The following VRK1 variants were observed in gnomAD, a reference collection of about 807,000 sequenced individuals.
VRK1 encodes the protein serine/threonine-protein kinase VRK1.
A neutral mutation model predicts 57.1 loss-of-function variants in VRK1; 33 were observed. The ratio of observed to expected loss-of-function variants is 0.58; its 90% CI spans 0.44 to 0.77. The LOEUF is 0.77. VRK1 is among the 30% of genes least tolerant of loss of function. VRK1 has a pLI of 0.00. For synonymous variants in VRK1, 137 were observed against 147.8 expected (o/e 0.93, Z 0.53); for missense variants, 413 against 477.3 (o/e 0.87, Z 1.25).
chr14:96,869,684 C>T (rs911752145), intron 11 of VRK1, among the ~76,000 whole-genome samples: 2 of 152,108 alleles, frequency 1.3e-5, no homozygotes, highest in East Asian at 1.9e-4. Flanking sequence ...GTAGTTATCC[C>T]TTTTTTCTCT....
chr14:96,838,185 G>A (rs552878505), intron 3 of VRK1, among the ~76,000 whole-genome samples: 28 of 151,592 alleles, frequency 1.8e-4, no homozygotes, highest in African/African-American at 6.3e-4. Flanking sequence ...ATTTTATTTT[G>A]CATTTGCTTC....
chr14:96,838,085 C>T (rs1468731169), intron 3 of VRK1, among the ~76,000 whole-genome samples: 1 of 152,010 alleles, frequency 6.6e-6, no homozygotes, highest in Non-Finnish European at 1.5e-5. Context: ...TAAAAATATT[C>T]AGCTCATTTA....
In VRK1 at chr14:96,811,348, G is replaced by A. The variant is rs141550601; in HGVS notation, c.-6+13901G>A. On this transcript the variant is annotated intron_variant, in intron 1 of 12. Coordinates refer to ENST00000216639, the MANE Select transcript of VRK1 (RefSeq NM_003384.3). ...AAAATTAGCTATCTCCTGCAGAAGG[G>A]AGCAAATTCCATTTTTGAAAGTCAT... Among the ~76,000 whole-genome samples the A allele has an allele frequency of 9.2e-4, 140 of 152,246 alleles. 1 individual carries two copies. Among genetic ancestry groups the A allele is most frequent in the African/African-American group, 3.2e-3 (133 of 41,520 alleles).
chr14:96,881,234 T>G lies in VRK1; in HGVS notation c.*26T>G. 1 of 1,578,050 alleles carries G rather than the reference T, an allele frequency of 6.3e-7. No homozygotes were observed. Among genetic ancestry groups the G allele is most frequent in the Non-Finnish European group, 8.6e-7 (1 of 1,158,404 alleles). Reference sequence around the variant, plus strand: ...TTCAGATGCTGTGAACCAGATTTCCTTTTCTTTGTTTTCTTTTGACTTTTT... The same window carrying G: ...TTCAGATGCTGTGAACCAGATTTCCGTTTCTTTGTTTTCTTTTGACTTTTT... On this transcript the variant is annotated 3_prime_UTR_variant, in exon 13 of 13. Transcript: ENST00000216639.
intron 1 of VRK1, among the ~76,000 whole-genome samples, chr14:96,810,013 T>TAATC (rs1416126054): frequency 1.3e-5 from 2 of 152,230 alleles, no homozygotes; most frequent in African/African-American, 4.8e-5. Context: ...TACAAAAAAT[T>TAATC]AATCACTAGT....
intron 1 of VRK1, among the ~76,000 whole-genome samples, chr14:96,819,100 G>C (rs1423452626): frequency 6.6e-6 from 1 of 152,164 alleles, no homozygotes; most frequent in Non-Finnish European, 1.5e-5. Context: ...TCTTTCGTTT[G>C]ATTTTATTCT....
At chr14:96,841,498 T>C (rs1887459068) in intron 3 of VRK1, among the ~76,000 whole-genome samples, 1 of 152,230 alleles carries the variant, frequency 6.6e-6, no homozygotes, top group Non-Finnish European at 1.5e-5. Context: ...TTGATTTCTC[T>C]TTTGCATTTA....
intron 1 of VRK1, among the ~76,000 whole-genome samples, chr14:96,810,965 T>C (rs1406755109): frequency 1.3e-5 from 2 of 151,570 alleles, no homozygotes; most frequent in East Asian, 3.9e-4. Flanking sequence ...TGAGATGGAG[T>C]GTCACTCTGT....
chr14:96,869,741 C>T (rs1201820678), intron 11 of VRK1, among the ~76,000 whole-genome samples: 5 of 151,976 alleles, frequency 3.3e-5, no homozygotes, highest in Non-Finnish European at 7.4e-5. Flanking sequence ...TGACATAAAG[C>T]AGAGGAGTCC....
In VRK1 at chr14:96,854,999, C is replaced by T. The variant is rs1475602384; in HGVS notation, c.577-225C>T. 2.6e-5 allele frequency among the ~76,000 whole-genome samples: 4 copies of T among 152,174 alleles called. No individual in the cohort carries two copies. In the East Asian group the frequency reaches 5.8e-4, roughly 22 times the overall value. ...AAAAGTATATAAAGTCAAGTGATTA[C>T]ACTGTAGCTATGTGGTCATTTAACA... On this transcript the variant is annotated intron_variant, in intron 7 of 12. Coordinates refer to ENST00000216639, the MANE Select transcript of VRK1 (RefSeq NM_003384.3).
intron 11 of VRK1, among the ~76,000 whole-genome samples, chr14:96,873,527 G>A (rs1248769535): frequency 6.6e-6 from 1 of 152,060 alleles, no homozygotes; most frequent in Non-Finnish European, 1.5e-5. Context: ...CAATATTTTG[G>A]TTTCATATTA....
intron 3 of VRK1, among the ~76,000 whole-genome samples, chr14:96,838,910 G>A (rs1046764223): frequency 9.0e-5 from 12 of 132,902 alleles, no homozygotes; most frequent in Non-Finnish European, 2.1e-4. Flanking sequence ...TTTTTACGGG[G>A]AAATACATAG....
At chr14:96,844,708 A>G (rs1887606345) in intron 3 of VRK1, among the ~76,000 whole-genome samples, 1 of 151,972 alleles carries the variant, frequency 6.6e-6, no homozygotes, top group Non-Finnish European at 1.5e-5. Flanking sequence ...TGCCCAGATA[A>G]TTTTTGTATT....
intron 3 of VRK1, among the ~76,000 whole-genome samples, chr14:96,841,596 G>A (rs924778472): frequency 2.0e-5 from 3 of 152,140 alleles, no homozygotes; most frequent in Non-Finnish European, 4.4e-5. Context: ...GGTGGCTCAC[G>A]ATCATAATCC....
At chr14:96,830,044 G>A (rs1886946103) in intron 1 of VRK1, among the ~76,000 whole-genome samples, 1 of 135,646 alleles carries the variant, frequency 7.4e-6, no homozygotes, top group African/African-American at 2.5e-5. Context: ...TCTTAAATAT[G>A]TTACTTTTTT....
chr14:96,880,233 A>T (rs1889204373), intron 12 of VRK1, among the ~76,000 whole-genome samples: 1 of 152,162 alleles, frequency 6.6e-6, no homozygotes, highest in Non-Finnish European at 1.5e-5. Flanking sequence ...TGATCAGAAA[A>T]CCTTTAGATA....
intron 1 of VRK1, among the ~76,000 whole-genome samples, chr14:96,810,998 C>T (rs749373207): frequency 1.1e-4 from 16 of 151,906 alleles, no homozygotes; most frequent in South Asian, 2.1e-4. Flanking sequence ...GGCGCTATCT[C>T]GGCTCACTGC....
intron 1 of VRK1, among the ~76,000 whole-genome samples, chr14:96,824,279 A>G (rs969193081): frequency 2.6e-5 from 4 of 152,252 alleles, no homozygotes; most frequent in African/African-American, 9.6e-5. Flanking sequence ...TCATCTTGAA[A>G]AAAGAATTTA....
chr14:96,806,582 G>C (rs1345880510), intron 1 of VRK1, among the ~76,000 whole-genome samples: 4 of 152,136 alleles, frequency 2.6e-5, no homozygotes, highest in Admixed American at 2.6e-4. Context: ...TGTGACATTA[G>C]AGCAATTCAA....
Sources: allele counts gnomAD v4.1 joint callset (sites outside exome capture counted in the v4.1 genomes callset), GRCh38; gene constraint gnomAD v4.1.1; transcripts MANE v1.5; gene names NCBI Gene and HGNC (gene_info 2026-07-23, HGNC 2026-07-21).